The following MALRD1 variants were observed in gnomAD, a reference collection of about 807,000 sequenced individuals.
MALRD1 encodes the protein MAM and LDL-receptor class A domain-containing protein 1.
A neutral mutation model predicts 242.1 loss-of-function variants in MALRD1; 247 were observed. The ratio of observed to expected loss-of-function variants is 1.02; its 90% CI spans 0.92 to 1.13. The LOEUF (loss-of-function observed/expected upper bound fraction) is 1.13, where lower values mean the gene tolerates loss of function less well. Ranked by LOEUF, MALRD1 falls within the 50% of genes most tolerant of loss-of-function variation. The probability of loss-of-function intolerance (pLI) is 0.00; values close to 1 mark genes in which losing one functional copy is unlikely to be tolerated. For synonymous variants in MALRD1, 995 were observed against 866.6 expected, an observed-to-expected ratio of 1.15 and a Z score of -2.60; for missense variants, 2,989 against 2,533.1, an observed-to-expected ratio of 1.18 and a Z score of -3.86.
intron 18 of MALRD1, among the ~76,000 whole-genome samples, chr10:19,254,176 C>T (rs1420169824): frequency 6.6e-6 from 1 of 151,974 alleles, no homozygotes; most frequent in Non-Finnish European, 1.5e-5. Context: ...ACCAAAAATT[C>T]TGACTTTTCT....
chr10:19,723,345 A>G (rs1308832905), intron 38 of MALRD1, among the ~76,000 whole-genome samples: 2 of 152,156 alleles, frequency 1.3e-5, no homozygotes, highest in African/African-American at 4.8e-5. Flanking sequence ...TTGACACTGA[A>G]GTTTTATAAC....
chr10:19,287,465 C>T (rs1263081334), intron 21 of MALRD1, among the ~76,000 whole-genome samples: 1 of 152,028 alleles, frequency 6.6e-6, no homozygotes, highest in Non-Finnish European at 1.5e-5. Context: ...TATTCTGATT[C>T]TTTAAATTTC....
At chr10:19,670,320 CA>C in intron 36 of MALRD1, among the ~76,000 whole-genome samples, 1 of 152,294 alleles carries the variant, frequency 6.6e-6, no homozygotes, top group South Asian at 2.1e-4. Flanking sequence ...GTTCCATCAG[CA>C]AACCCATCAG....
chr10:19,474,281 A>G (rs776978929), intron 29 of MALRD1, among the ~76,000 whole-genome samples: 2 of 152,156 alleles, frequency 1.3e-5, no homozygotes, highest in Non-Finnish European at 1.5e-5. Context: ...TTTGTCATTG[A>G]GCAGCTAATA....
chr10:19,216,955 A>AT (rs1564474127), intron 18 of MALRD1, among the ~76,000 whole-genome samples: 40 of 33,850 alleles, frequency 1.2e-3, no homozygotes, highest in African/African-American at 4.2e-3. Context: ...CAAAAAAAAA[A>AT]AAATAAAAAT....
At chr10:19,122,787 G>A (rs1022187350) in intron 5 of MALRD1, among the ~76,000 whole-genome samples, 4 of 152,020 alleles carry the variant, frequency 2.6e-5, no homozygotes, top group East Asian at 1.9e-4. Context: ...GTGAAGTGGC[G>A]TGATCTTTGC....
intron 38 of MALRD1, among the ~76,000 whole-genome samples, chr10:19,721,349 G>A (rs1353551910): frequency 6.6e-6 from 1 of 152,018 alleles, no homozygotes; most frequent in South Asian, 2.1e-4. Context: ...GTAGAAGTAG[G>A]GAGAGGAGAA....
intron 12 of MALRD1, among the ~76,000 whole-genome samples, chr10:19,155,866 G>A (rs556416205): frequency 6.6e-6 from 1 of 152,110 alleles, no homozygotes; most frequent in African/African-American, 2.4e-5. Context: ...TACATAGTAG[G>A]TAAACAATGT....
intron 35 of MALRD1, 51 bp downstream of exon 35, chr10:19,607,953 C>G (rs1302167997): frequency 6.5e-7 from 1 of 1,530,514 alleles, no homozygotes; most frequent in Non-Finnish European, 8.8e-7. Context: ...GCAACTTAAC[C>G]TGCAACACAA....
rs1166665866 is a variant in MALRD1 at position 19,171,457 on chromosome 10, T to TATATACACACAC, written c.1831-3750_1831-3749insTATACACACACA. On this transcript the variant is annotated intron_variant, in intron 13 of 39. Transcript: ENST00000454679. ...ATATATATATATATATATATATATA[T>TATATACACACAC]ACACACATGTATATACACACACACA... Among the ~76,000 whole-genome samples the TATATACACACAC allele has an allele frequency of 1.1e-3, 82 of 74,544 alleles. 4 individuals carry two copies. The highest frequency in any genetic ancestry group is 2.9e-3 in the African/African-American group (70 of 23,922). The allele number at this position is 74,544 out of a possible 152,430, so 48.9% of individuals were successfully genotyped here.
Position 19,601,888 on chromosome 10 carries a change from A to G in MALRD1, c.5945-5889A>G, listed in dbSNP as rs910514763. Among the ~76,000 whole-genome samples the G allele has an allele frequency of 1.1e-4, 17 of 152,108 alleles. No individual in the cohort carries two copies. The East Asian group carries it at 1.5e-3, about 14-fold the overall frequency. On this transcript the variant is annotated intron_variant, in intron 34 of 39. Transcript: ENST00000454679. ...TTATATTGTTTAAAACCTTGAAACT[A>G]TGATCTTATCTGATCTCTCAGCTTT...
intron 5 of MALRD1, among the ~76,000 whole-genome samples, chr10:19,117,396 A>G (rs1588569371): frequency 6.6e-6 from 1 of 151,746 alleles, no homozygotes; most frequent in South Asian, 2.1e-4. Flanking sequence ...TTTTAATTCC[A>G]TGCAATTTGT....
intron 28 of MALRD1, among the ~76,000 whole-genome samples, chr10:19,412,088 C>G (rs1390296121): frequency 6.6e-6 from 1 of 152,168 alleles, no homozygotes; most frequent in Non-Finnish European, 1.5e-5. Context: ...CACCTGAATT[C>G]AGGAGTTCAA....
At chr10:19,492,672 G>A (rs1837544869) in intron 30 of MALRD1, among the ~76,000 whole-genome samples, 1 of 152,134 alleles carries the variant, frequency 6.6e-6, no homozygotes, top group Admixed American at 6.5e-5. Flanking sequence ...AGGAAAAATA[G>A]CAACAGTTAC....
intron 21 of MALRD1, chr10:19,291,585 A>G (rs946201378): frequency 6.6e-6 from 1 of 151,928 alleles, no homozygotes; most frequent in Non-Finnish European, 1.5e-5. Context: ...GGGAATTTGT[A>G]TTTTTACAAA....
At chr10:19,377,156 A>T (rs114438390) in intron 26 of MALRD1, among the ~76,000 whole-genome samples, 1,966 of 152,256 alleles carry the variant, frequency 0.013, 46 homozygotes, top group African/African-American at 0.044. Flanking sequence ...CTGATGTTCA[A>T]GCACCTTAAT....
chr10:19,056,101 T>C (rs762702265), intron 1 of MALRD1, among the ~76,000 whole-genome samples: 5 of 152,204 alleles, frequency 3.3e-5, no homozygotes, highest in African/African-American at 4.8e-5. Context: ...AGTTGCTTTA[T>C]AGTATATTTT....
intron 5 of MALRD1, among the ~76,000 whole-genome samples, chr10:19,112,984 A>G (rs1836733549): frequency 6.6e-6 from 1 of 152,156 alleles, no homozygotes; most frequent in African/African-American, 2.4e-5. Flanking sequence ...TTGGCTAAAA[A>G]ATATTATTGA....
At chr10:19,159,534 G>A (rs61851297) in intron 12 of MALRD1, among the ~76,000 whole-genome samples, 8,799 of 152,046 alleles carry the variant, frequency 0.058, 333 homozygotes, top group Middle Eastern at 0.1. Flanking sequence ...ATTTGACCAA[G>A]GAGCTCTGAG....
Sources: gnomAD v4.1 joint callset for allele counts (sites outside exome capture counted in the v4.1 genomes callset) on GRCh38, gnomAD v4.1.1 for gene constraint, MANE v1.5 for transcripts, NCBI Gene and HGNC (gene_info 2026-07-23, HGNC 2026-07-21) for gene names.